The following ZMIZ1 variants were observed in gnomAD, a reference collection of about 807,000 sequenced individuals.
The protein encoded by ZMIZ1 is zinc finger MIZ-type containing 1.
ZMIZ1 carries 17 observed loss-of-function variants against 113.9 expected under a neutral mutation model. The ratio of observed to expected loss-of-function variants is 0.15; its 90% CI spans 0.10 to 0.22. The LOEUF (loss-of-function observed/expected upper bound fraction) is 0.22. Ranked by LOEUF, ZMIZ1 falls within the 10% of genes least tolerant of loss-of-function variation. The pLI is 1.00. For synonymous variants in ZMIZ1, 607 were observed against 603.1 expected (o/e 1.01, Z -0.09); for missense variants, 1,059 against 1,477.8 (o/e 0.72, Z 4.65).
In ZMIZ1 at chr10:79,300,953, TG is replaced by T; in HGVS notation, c.2019+14del. ...ACGGCCTGCTGCTGCGTGAGTGTGG[TG>T]GGCCAGGGGCAGCGTTGGCACAGGC... On this transcript the variant is annotated intron_variant, in intron 17 of 24. Coordinates refer to ENST00000334512, the MANE Select transcript of ZMIZ1 (RefSeq NM_020338.4). 1.2e-6 allele frequency: 2 copies of T among 1,606,924 alleles called. No homozygotes were observed. Among genetic ancestry groups the T allele is most frequent in the Non-Finnish European group, 8.5e-7 (1 of 1,179,770 alleles).
chr10:79,196,545 G>A (rs1166202584), intron 4 of ZMIZ1, among the ~76,000 whole-genome samples: 2 of 152,198 alleles, frequency 1.3e-5, no homozygotes, highest in Non-Finnish European at 2.9e-5. Context: ...CAGTCCAGCC[G>A]CCGGCCTCCA....
intron 7 of ZMIZ1, among the ~76,000 whole-genome samples, chr10:79,231,379 C>G (rs977654315): frequency 8.5e-5 from 13 of 152,162 alleles, no homozygotes; most frequent in Admixed American, 7.2e-4. Context: ...TCCCCAACAG[C>G]TGGGGTTGCA....
At chr10:79,260,039 G>A (rs188648056) in intron 7 of ZMIZ1, among the ~76,000 whole-genome samples, 28 of 152,354 alleles carry the variant, frequency 1.8e-4, no homozygotes, top group African/African-American at 6.0e-4. Context: ...AGCTCTGAGC[G>A]TCTGCTGTGT....
At chr10:79,300,646 A>C in intron 16 of ZMIZ1, 86 bp from the exon 17 acceptor site, 1 of 1,482,812 alleles carries the variant, frequency 6.7e-7, no homozygotes. Flanking sequence ...TGGTGTGTTT[A>C]GAGGTGTGTG....
intron 7 of ZMIZ1, among the ~76,000 whole-genome samples, chr10:79,258,000 C>G (rs1176613807): frequency 1.3e-5 from 2 of 152,266 alleles, no homozygotes; most frequent in East Asian, 3.9e-4. Flanking sequence ...CACAGCAACC[C>G]CAAGAAGGTA....
At chr10:79,300,622 G>A in intron 16 of ZMIZ1, 110 bp from the exon 17 acceptor site, 1 of 1,327,774 alleles carries the variant, frequency 7.5e-7, no homozygotes, top group South Asian at 1.4e-5. Context: ...GGGTCCTGAG[G>A]ATCTCGGAGG....
intron 7 of ZMIZ1, among the ~76,000 whole-genome samples, chr10:79,261,296 C>T: frequency 6.6e-6 from 1 of 152,248 alleles, no homozygotes; most frequent in East Asian, 1.9e-4. Context: ...CCCCTCCCTA[C>T]CCGGTGTTCC....
intron 4 of ZMIZ1, among the ~76,000 whole-genome samples, chr10:79,171,346 G>C (rs1846590999): frequency 6.6e-6 from 1 of 152,230 alleles, no homozygotes; most frequent in African/African-American, 2.4e-5. Flanking sequence ...GGCCTGGGCT[G>C]TCGCTCAGAG....
chr10:79,223,511 G>GCTT (rs1448966695), intron 7 of ZMIZ1, among the ~76,000 whole-genome samples: 1 of 152,208 alleles, frequency 6.6e-6, no homozygotes, highest in Admixed American at 6.5e-5. Flanking sequence ...CCCCTACAAG[G>GCTT]GGCTCTGGAT....
At chr10:79,286,060 A>C (rs536527775) in intron 8 of ZMIZ1, among the ~76,000 whole-genome samples, 71 of 152,318 alleles carry the variant, frequency 4.7e-4, no homozygotes, top group Middle Eastern at 3.4e-3. Context: ...GGCTGGGAGC[A>C]GCTTATGGTG....
At chr10:79,282,654 C>T (rs923148237) in intron 8 of ZMIZ1, among the ~76,000 whole-genome samples, 2 of 152,200 alleles carry the variant, frequency 1.3e-5, no homozygotes, top group African/African-American at 4.8e-5. Flanking sequence ...CTCTTGGCCT[C>T]GTGGTTCCCT....
chr10:79,088,472 G>C (rs1842883866), intron 1 of ZMIZ1, among the ~76,000 whole-genome samples: 1 of 152,230 alleles, frequency 6.6e-6, no homozygotes, highest in Non-Finnish European at 1.5e-5. Context: ...GTTCAGGCCT[G>C]CCTAGGCACG....
At position 79,077,056 on chromosome 10, in the gene ZMIZ1, G is replaced by A. The variant is rs370601855; in HGVS notation, c.-337+7786G>A. Among the ~76,000 whole-genome samples, 136 of 152,192 alleles carry A rather than the reference G, an allele frequency of 8.9e-4. No homozygotes were observed. The South Asian group carries it at 0.015, about 17-fold the overall frequency. On this transcript the variant is annotated intron_variant, in intron 1 of 24. Transcript: ENST00000334512. Reference sequence around the variant, plus strand: ...TCTGTGTATGGGGAAGCAGGGAGGTGGCCTTCTCACCCCACCCTAGGAGTC... The same window carrying A: ...TCTGTGTATGGGGAAGCAGGGAGGTAGCCTTCTCACCCCACCCTAGGAGTC...
chr10:79,141,327 C>T (rs1328969691), intron 3 of ZMIZ1, among the ~76,000 whole-genome samples: 1 of 152,130 alleles, frequency 6.6e-6, no homozygotes, highest in Non-Finnish European at 1.5e-5. Flanking sequence ...CGTGAGGAGG[C>T]ATGGATGATA....
At chr10:79,158,317 G>A (rs932229899) in intron 3 of ZMIZ1, among the ~76,000 whole-genome samples, 1 of 152,110 alleles carries the variant, frequency 6.6e-6, no homozygotes, top group African/African-American at 2.4e-5. Context: ...CAGCACCCAG[G>A]GCCATCTGCC....
At chr10:79,236,245 G>A (rs1014519934) in intron 7 of ZMIZ1, among the ~76,000 whole-genome samples, 3 of 152,216 alleles carry the variant, frequency 2.0e-5, no homozygotes, top group Non-Finnish European at 4.4e-5. Context: ...GCTGCAAAGT[G>A]GAAGCTTTGT....
intron 7 of ZMIZ1, among the ~76,000 whole-genome samples, chr10:79,276,292 G>A (rs1041821152): frequency 4.6e-5 from 7 of 152,248 alleles, no homozygotes; most frequent in Non-Finnish European, 8.8e-5. Flanking sequence ...ACTTCAGGAG[G>A]ACAGGCCAGC....
At chr10:79,153,505 G>C (rs536322677) in intron 3 of ZMIZ1, among the ~76,000 whole-genome samples, 1 of 152,366 alleles carries the variant, frequency 6.6e-6, no homozygotes, top group African/African-American at 2.4e-5. Context: ...AAACGTGATC[G>C]GCAAACCTGT....
chr10:79,123,014 C>G (rs888926719), intron 2 of ZMIZ1, among the ~76,000 whole-genome samples: 1 of 152,210 alleles, frequency 6.6e-6, no homozygotes, highest in African/African-American at 2.4e-5. Context: ...CTGCTTTTCC[C>G]CACAAGTGAT....
Sources: gnomAD v4.1 joint callset for allele counts (sites outside exome capture counted in the v4.1 genomes callset) on GRCh38, gnomAD v4.1.1 for gene constraint, MANE v1.5 for transcripts, NCBI Gene and HGNC (gene_info 2026-07-23, HGNC 2026-07-21) for gene names.